The following CFAP54 variants were observed in gnomAD, a reference collection of about 807,000 sequenced individuals.
CFAP54 encodes the protein cilia and flagella associated protein 54.
A neutral mutation model predicts 370.4 loss-of-function variants in CFAP54; 290 were observed. The observed-to-expected ratio is 0.78, with a 90% CI of 0.71 to 0.86. CFAP54 has a LOEUF of 0.86. CFAP54 is among the 40% of genes least tolerant of loss of function. The pLI, the probability that CFAP54 is intolerant of heterozygous loss-of-function variation, is 0.00. For synonymous variants in CFAP54, 1,206 were observed against 1,236.5 expected (o/e 0.98, Z 0.52); for missense variants, 3,399 against 3,528.7 (o/e 0.96, Z 0.93).
chr12:96,827,655 ATATAT>A (rs1329682230), intron 65 of CFAP54, among the ~76,000 whole-genome samples: 3 of 133,718 alleles, frequency 2.2e-5, no homozygotes, highest in Non-Finnish European at 3.1e-5. Context: ...ATACATAGTA[ATATAT>A]TATATTATGT....
chr12:96,594,210 C>T, intron 24 of CFAP54, 81 bp from the exon 25 acceptor site: 8 of 1,008,874 alleles, frequency 7.9e-6, no homozygotes, highest in Non-Finnish European at 1.1e-5. Flanking sequence ...AGAAGGATCA[C>T]ATTTTCTACC....
intron 50 of CFAP54, among the ~76,000 whole-genome samples, chr12:96,732,097 G>A (rs1028887056): frequency 1.2e-4 from 17 of 147,600 alleles, no homozygotes; most frequent in Admixed American, 8.7e-4. Flanking sequence ...CTGTTAAGTA[G>A]GGGTGTGTGT....
intron 3 of CFAP54, among the ~76,000 whole-genome samples, chr12:96,506,370 T>C (rs1246635819): frequency 6.6e-6 from 1 of 151,458 alleles, no homozygotes; most frequent in Non-Finnish European, 1.5e-5. Flanking sequence ...TTCAATTCTG[T>C]ATTTTTGGTA....
intron 38 of CFAP54, among the ~76,000 whole-genome samples, chr12:96,662,899 C>T (rs1013612621): frequency 1.3e-5 from 2 of 152,032 alleles, no homozygotes; most frequent in Admixed American, 6.6e-5. Context: ...CCTTTTTGCT[C>T]TATGTCTCTC....
intron 17 of CFAP54, among the ~76,000 whole-genome samples, chr12:96,557,457 T>C (rs1390500006): frequency 6.6e-6 from 1 of 152,172 alleles, no homozygotes; most frequent in Non-Finnish European, 1.5e-5. Context: ...GTAAAATTTC[T>C]TGAACGTGTA....
chr12:96,872,135 G>A (rs1181721976), intron 67 of CFAP54, among the ~76,000 whole-genome samples: 2 of 152,138 alleles, frequency 1.3e-5, no homozygotes, highest in Non-Finnish European at 2.9e-5. Flanking sequence ...GCAAATCATA[G>A]TCACAGTTCT....
intron 50 of CFAP54, among the ~76,000 whole-genome samples, chr12:96,725,365 G>A (rs1191039892): frequency 6.6e-6 from 1 of 151,962 alleles, no homozygotes; most frequent in Non-Finnish European, 1.5e-5. Flanking sequence ...GCAGTGGTTT[G>A]TAGTTCTCCT....
At chr12:96,673,780 A>T (rs1483140421) in intron 39 of CFAP54, among the ~76,000 whole-genome samples, 2 of 152,194 alleles carry the variant, frequency 1.3e-5, no homozygotes, top group African/African-American at 2.4e-5. Context: ...GCATAATGGC[A>T]TTTAGTGGTG....
At position 96,647,970 on chromosome 12, in the gene CFAP54, T is replaced by C; in HGVS notation, c.4643T>C (p.Leu1548Pro). 1 of 1,523,018 alleles carries C rather than the reference T, an allele frequency of 6.6e-7. No individual in the cohort carries two copies. The allele number at this position is 1,523,018 out of a possible 1,614,324, so 94.3% of individuals were successfully genotyped here. Residue 1548 changes from leucine to proline, a missense_variant, in exon 34 of 68, where the codon CTT becomes CCT. Transcript: ENST00000524981. ...ACTGTAGAAAATTATAAAGCAATGC[T>C]TGATTTCCTTCTTACAGCCAAAAAA... ...KLTVENYKAM[L>P]DFLLTAKKRK...
chr12:96,595,324 AG>A (rs1263988173), intron 25 of CFAP54, among the ~76,000 whole-genome samples: 1 of 152,052 alleles, frequency 6.6e-6, no homozygotes, highest in Non-Finnish European at 1.5e-5. Context: ...CCCACACTCA[AG>A]GGGAAGGAAT....
At position 96,669,653 on chromosome 12, in the gene CFAP54, C is replaced by T. The variant is rs12578144; in HGVS notation, c.5563+5721C>T. ...GTAGCCAGATGGATGATGATGCCTT[C>T]ACCCAGACAGGAAAACTGGAGAGGG... On this transcript the variant is annotated intron_variant, in intron 39 of 67. Transcript: ENST00000524981. Among the ~76,000 whole-genome samples the T allele has an allele frequency of 9.7e-3, 1,474 of 152,290 alleles. 57 individuals carry two copies. The East Asian group carries it at 0.1, about 10-fold the overall frequency.
intron 65 of CFAP54, among the ~76,000 whole-genome samples, chr12:96,825,762 A>G (rs188613090): frequency 0.021 from 2,728 of 127,494 alleles, 114 homozygotes; most frequent in African/African-American, 0.08. Flanking sequence ...AATATGTATC[A>G]TGATATATAT....
chr12:96,694,046 C>T (rs1411595203), intron 45 of CFAP54, among the ~76,000 whole-genome samples: 1 of 152,170 alleles, frequency 6.6e-6, no homozygotes, highest in Non-Finnish European at 1.5e-5. Flanking sequence ...GGAAATAAGG[C>T]TCACCCAACA....
At position 96,861,930 on chromosome 12, in the gene CFAP54, A is replaced by C. The variant is rs2136464462; in HGVS notation, c.*14+978A>C. ...AGTGAATGAATACTCATGGTTTAAA[A>C]AAATAACAACACAAATGTGTTTTTC... On this transcript the variant is annotated intron_variant, in intron 67 of 67. Transcript: ENST00000524981. Among the ~76,000 whole-genome samples the C allele has an allele frequency of 2.6e-5, 4 of 152,306 alleles. No individual in the cohort carries two copies. In the South Asian group the frequency reaches 8.3e-4, roughly 32 times the overall value.
At chr12:96,691,338 A>G (rs760200026) in intron 44 of CFAP54, 28 bp downstream of exon 44, 22 of 1,500,504 alleles carry the variant, frequency 1.5e-5, no homozygotes, top group Admixed American at 2.2e-5. Context: ...TAAAAATTAT[A>G]TATCACTGGG....
intron 52 of CFAP54, among the ~76,000 whole-genome samples, chr12:96,743,125 T>A (rs576986872): frequency 6.6e-6 from 1 of 152,338 alleles, no homozygotes; most frequent in South Asian, 2.1e-4. Context: ...TATCTATTTG[T>A]ATACCTATCT....
chr12:96,701,450 C>T lies in CFAP54; in HGVS notation c.6474+1357C>T, dbSNP rs187337096. Among the ~76,000 whole-genome samples the T allele has an allele frequency of 2.8e-3, 422 of 152,188 alleles. 5 individuals carry two copies. The highest frequency in any genetic ancestry group is 2.5e-3 in the Non-Finnish European group (169 of 68,004). On this transcript the variant is annotated intron_variant, in intron 46 of 67. Coordinates refer to ENST00000524981, the MANE Select transcript of CFAP54 (RefSeq NM_001306084.2). ...TAGAAAGACAGCAGGGGGGCTCCTG[C>T]TTTCCTGGAGCTTACAGTCCAGTGA... is the stretch of plus-strand genomic sequence containing the variant.
chr12:96,815,477 G>A (rs1461832200), intron 64 of CFAP54, among the ~76,000 whole-genome samples: 1 of 151,792 alleles, frequency 6.6e-6, no homozygotes, highest in African/African-American at 2.4e-5. Context: ...TGGATAGATT[G>A]CAAAAATTTT....
chr12:96,698,788 C>T, intron 45 of CFAP54, among the ~76,000 whole-genome samples: 1 of 151,882 alleles, frequency 6.6e-6, no homozygotes, highest in African/African-American at 2.4e-5. Flanking sequence ...GCGTTTTGAA[C>T]AAAGAACTGG....
Sources: gnomAD v4.1 joint callset for allele counts (sites outside exome capture counted in the v4.1 genomes callset) on GRCh38, gnomAD v4.1.1 for gene constraint, MANE v1.5 for transcripts, NCBI Gene and HGNC (gene_info 2026-07-23, HGNC 2026-07-21) for gene names.